TMPRSS11F: variants seen among roughly 807,000 people sequenced by gnomAD.
The protein encoded by TMPRSS11F is transmembrane protease serine 11F.
In TMPRSS11F, 47 loss-of-function variants were observed where a neutral mutation model predicts 60.2. The ratio of observed to expected loss-of-function variants is 0.78; its 90% CI spans 0.62 to 1.00. TMPRSS11F has a LOEUF of 1.00. Ranked by LOEUF, TMPRSS11F falls within the 50% of genes least tolerant of loss-of-function variation. The pLI is 0.00. For missense variants in TMPRSS11F, 519 were observed against 522.9 expected (o/e 0.99, Z 0.07); for synonymous variants, 166 against 167.3 (o/e 0.99, Z 0.06).
intron 3 of TMPRSS11F, among the ~76,000 whole-genome samples, chr4:68,077,021 G>A (rs930386): frequency 0.95 from 145,346 of 152,288 alleles, 69,752 homozygotes; most frequent in East Asian, 1. Flanking sequence ...CCACTCATAC[G>A]CAGGCTGCCA....
chr4:68,127,032 A>G (rs1229233262), intron 1 of TMPRSS11F, among the ~76,000 whole-genome samples: 2 of 152,288 alleles, frequency 1.3e-5, no homozygotes, highest in Non-Finnish European at 2.9e-5. Context: ...GTCCACTCCA[A>G]TGGTTCTAAA....
chr4:68,068,537 G>A, intron 7 of TMPRSS11F, 81 bp downstream of exon 7: 1 of 1,234,632 alleles, frequency 8.1e-7, no homozygotes, highest in South Asian at 1.2e-5. Flanking sequence ...AAACTGGAGA[G>A]ACTGGACTCT....
At chr4:68,075,511 C>T (rs1723565020) in intron 3 of TMPRSS11F, among the ~76,000 whole-genome samples, 1 of 152,114 alleles carries the variant, frequency 6.6e-6, no homozygotes, top group Admixed American at 6.5e-5. Context: ...CTCTCTCTCT[C>T]TCTTTCATTT....
At chr4:68,079,502 C>T (rs1288688284) in intron 3 of TMPRSS11F, among the ~76,000 whole-genome samples, 2 of 152,150 alleles carry the variant, frequency 1.3e-5, no homozygotes. Flanking sequence ...AGATTGTTTA[C>T]TGCTTCTAAG....
intron 2 of TMPRSS11F, among the ~76,000 whole-genome samples, chr4:68,093,249 G>A (rs1479316683): frequency 6.6e-6 from 1 of 152,118 alleles, no homozygotes; most frequent in Non-Finnish European, 1.5e-5. Flanking sequence ...AAAAATAATA[G>A]TATACCCCTT....
chr4:68,073,205 T>C (rs1723516229), intron 4 of TMPRSS11F, among the ~76,000 whole-genome samples: 1 of 152,182 alleles, frequency 6.6e-6, no homozygotes, highest in African/African-American at 2.4e-5. Flanking sequence ...AAAAAGGAAA[T>C]AAACCTTTAC....
chr4:68,103,986 T>C (rs1317927923), intron 1 of TMPRSS11F, among the ~76,000 whole-genome samples: 2 of 152,198 alleles, frequency 1.3e-5, no homozygotes, highest in African/African-American at 2.4e-5. Context: ...ATAATACTGA[T>C]TTCATATGTT....
intron 3 of TMPRSS11F, chr4:68,077,366 G>C (rs1451660463): frequency 2.0e-5 from 3 of 152,346 alleles, no homozygotes; most frequent in Middle Eastern, 3.4e-3. Flanking sequence ...CTACAAGCAA[G>C]AGTGCATTAA....
At chr4:68,072,666 G>A (rs1386849867) in intron 4 of TMPRSS11F, among the ~76,000 whole-genome samples, 180 bp from the exon 5 acceptor site, 1 of 152,046 alleles carries the variant, frequency 6.6e-6, no homozygotes, top group Non-Finnish European at 1.5e-5. Flanking sequence ...AGTGTTGGAA[G>A]CACTGTAGAA....
At chr4:68,109,850 G>A (rs7694907) in intron 1 of TMPRSS11F, among the ~76,000 whole-genome samples, 95,940 of 152,030 alleles carry the variant, frequency 0.63, 31,527 homozygotes, top group Admixed American at 0.74. Context: ...AGTTGGTGAA[G>A]TGAATTCATG....
intron 6 of TMPRSS11F, among the ~76,000 whole-genome samples, chr4:68,069,027 G>A (rs1028490670): frequency 2.6e-5 from 4 of 152,076 alleles, no homozygotes; most frequent in Non-Finnish European, 5.9e-5. Context: ...ATTCAGTCCA[G>A]GAATTAACTT....
At chr4:68,065,027 C>G in intron 7 of TMPRSS11F, 83 bp from the exon 8 acceptor site, 1 of 1,323,448 alleles carries the variant, frequency 7.6e-7, no homozygotes, top group Non-Finnish European at 1.0e-6. Context: ...TCCCAACTGT[C>G]AGTATTATGC....
chr4:68,059,244 T>G, intron 9 of TMPRSS11F, 82 bp downstream of exon 9: 2 of 1,451,592 alleles, frequency 1.4e-6, no homozygotes, highest in Admixed American at 4.1e-5. Context: ...TTTTTTTTTC[T>G]CCTAGGTAAA....
intron 1 of TMPRSS11F, among the ~76,000 whole-genome samples, chr4:68,105,601 C>T (rs28452045): frequency 0.014 from 2,193 of 152,222 alleles, 39 homozygotes; most frequent in African/African-American, 0.049. Flanking sequence ...CTGTTTCTTT[C>T]AATCCCTAAA....
rs183201729 is a variant in TMPRSS11F, at chr4:68,066,794, C to T, written c.755+1824G>A. Among the ~76,000 whole-genome samples the T allele has an allele frequency of 2.2e-3, 331 of 151,862 alleles. 3 individuals are homozygous for T. The highest frequency in any genetic ancestry group is 7.2e-3 in the African/African-American group (300 of 41,432). ...ACTAAAAATAAAAAAATTAGCTGGG[C>T]GCGGTGGCGGGCGCTTGTAGTCCCA... is the stretch of plus-strand genomic sequence containing the variant. On this transcript the variant is annotated intron_variant, in intron 7 of 9. Transcript: ENST00000356291.
At position 68,053,760 on chromosome 4, in the gene TMPRSS11F, C is replaced by T. The variant is rs375546886; in HGVS notation, c.*149G>A. 39 of 685,686 alleles carry T rather than the reference C, an allele frequency of 5.7e-5. No individual in the cohort carries two copies. The highest frequency in any genetic ancestry group is 3.7e-5 in the Non-Finnish European group (16 of 431,590). 42.5% of individuals were successfully genotyped at this position (685,686 alleles called of 1,614,324 possible). On this transcript the variant is annotated 3_prime_UTR_variant, in exon 10 of 10. Transcript: ENST00000356291. ...GGGTTTGGTCCTACGTATGTAAAGG[C>T]CACCTCAGGATATTAGATTTGTCTG...
rs568711797 is a variant in TMPRSS11F at position 68,054,136 on chromosome 4, G to A, written c.1159-69C>T. ...CAGTGGGAAGGTATTGTAATCTGAC[G>A]TTCACAGAGAAAAAAGGAAATTGGT... On this transcript the variant is annotated intron_variant, in intron 9 of 9. Coordinates refer to ENST00000356291, the MANE Select transcript of TMPRSS11F (RefSeq NM_207407.2). 1.4e-5 allele frequency: 20 copies of A among 1,443,302 alleles called. 1 individual carries two copies. The highest frequency in any genetic ancestry group is 1.4e-4 in the East Asian group (6 of 43,420). The allele number at this position is 1,443,302 out of a possible 1,614,324, so 89.4% of individuals were successfully genotyped here.
At chr4:68,091,765 C>CTATCTATCTATCTA (rs1290302918) in intron 2 of TMPRSS11F, among the ~76,000 whole-genome samples, 1 of 114,536 alleles carries the variant, frequency 8.7e-6, no homozygotes, top group African/African-American at 3.4e-5. Flanking sequence ...CTCTCTCTCT[C>CTATCTATCTATCTA]TCTCTCTCTC....
chr4:68,108,225 A>G (rs773960676), intron 1 of TMPRSS11F, among the ~76,000 whole-genome samples: 59 of 152,222 alleles, frequency 3.9e-4, no homozygotes, highest in Non-Finnish European at 7.3e-4. Context: ...TAGAAATGAC[A>G]GAAAGAGAAG....
Sources: gnomAD v4.1 joint callset for allele counts (sites outside exome capture counted in the v4.1 genomes callset) on GRCh38, gnomAD v4.1.1 for gene constraint, MANE v1.5 for transcripts, NCBI Gene and HGNC (gene_info 2026-07-23, HGNC 2026-07-21) for gene names.